Variants in CRPPA observed in about 807,000 individuals in gnomAD.
CRPPA encodes D-ribitol-5-phosphate cytidylyltransferase.
CRPPA carries 43 observed loss-of-function variants against 52.0 expected under a neutral mutation model. The ratio of observed to expected loss-of-function variants is 0.83; its 90% CI spans 0.65 to 1.07. The LOEUF is 1.07. Ranked by LOEUF, CRPPA falls within the 50% of genes least tolerant of loss-of-function variation. CRPPA has a pLI of 0.00. For synonymous variants in CRPPA, 250 were observed against 203.5 expected, an observed-to-expected ratio of 1.23 and a Z score of -1.94; for missense variants, 629 against 551.7, an observed-to-expected ratio of 1.14 and a Z score of -1.40.
At chr7:16,270,869 G>A (rs1180983502) in intron 6 of CRPPA, among the ~76,000 whole-genome samples, 1 of 152,046 alleles carries the variant, frequency 6.6e-6, no homozygotes, top group Non-Finnish European at 1.5e-5. Flanking sequence ...CTCTGTTTAT[G>A]TTCTCTCCGC....
chr7:16,199,462 T>C (rs1781802899), intron 9 of CRPPA, among the ~76,000 whole-genome samples: 1 of 152,182 alleles, frequency 6.6e-6, no homozygotes, highest in South Asian at 2.1e-4. Context: ...ATAAAATGGA[T>C]AATAAAAGAA....
At chr7:16,121,528 TC>T (rs1306782127) in intron 9 of CRPPA, among the ~76,000 whole-genome samples, 2 of 152,082 alleles carry the variant, frequency 1.3e-5, no homozygotes. Flanking sequence ...CACTAATGAT[TC>T]CCGAATTTGC....
chr7:16,392,784 A>G (rs988896611), intron 2 of CRPPA, among the ~76,000 whole-genome samples: 1 of 152,128 alleles, frequency 6.6e-6, no homozygotes, highest in African/African-American at 2.4e-5. Flanking sequence ...TAGTTTAAAT[A>G]AAAACTTGAA....
At chr7:16,128,861 A>G (rs1782630000) in intron 9 of CRPPA, among the ~76,000 whole-genome samples, 1 of 152,178 alleles carries the variant, frequency 6.6e-6, no homozygotes, top group Non-Finnish European at 1.5e-5. Flanking sequence ...AAGAAAAGAA[A>G]GAAGAATATA....
chr7:16,114,871 A>T (rs540213296), intron 9 of CRPPA, among the ~76,000 whole-genome samples: 2 of 151,346 alleles, frequency 1.3e-5, no homozygotes, highest in South Asian at 4.2e-4. Context: ...CAAATCCACA[A>T]GAAATTAATA....
intron 8 of CRPPA, among the ~76,000 whole-genome samples, chr7:16,220,057 A>C (rs1305555010): frequency 7.2e-6 from 1 of 138,072 alleles, no homozygotes; most frequent in Non-Finnish European, 1.6e-5. Context: ...AAATACTGGC[A>C]AAACAAATCC....
intron 8 of CRPPA, among the ~76,000 whole-genome samples, chr7:16,249,072 C>A (rs921159794): frequency 6.6e-6 from 1 of 152,042 alleles, no homozygotes; most frequent in African/African-American, 2.4e-5. Flanking sequence ...CTTAAGTAGG[C>A]GGTTTTATGC....
intron 3 of CRPPA, among the ~76,000 whole-genome samples, chr7:16,312,368 T>A (rs1437776767): frequency 6.6e-6 from 1 of 151,942 alleles, no homozygotes; most frequent in Non-Finnish European, 1.5e-5. Flanking sequence ...ATTTTGGGGG[T>A]TGCTAACGTA....
chr7:16,144,739 G>T (rs759638950), intron 9 of CRPPA, among the ~76,000 whole-genome samples: 1 of 152,088 alleles, frequency 6.6e-6, no homozygotes, highest in African/African-American at 2.4e-5. Context: ...AAATAAATGC[G>T]AGCGGGGCTG....
intron 9 of CRPPA, among the ~76,000 whole-genome samples, chr7:16,136,536 A>C (rs1782765495): frequency 6.6e-6 from 1 of 152,242 alleles, no homozygotes; most frequent in Non-Finnish European, 1.5e-5. Flanking sequence ...CCAATTACAA[A>C]CTAGACTGAC....
intron 1 of CRPPA, among the ~76,000 whole-genome samples, chr7:16,409,098 C>T (rs1014368941): frequency 5.3e-5 from 8 of 152,144 alleles, no homozygotes; most frequent in Admixed American, 1.3e-4. Flanking sequence ...GATGAGGTTT[C>T]GCCATACTGG....
At chr7:16,415,129 T>C (rs1788164601) in intron 1 of CRPPA, among the ~76,000 whole-genome samples, 1 of 152,218 alleles carries the variant, frequency 6.6e-6, no homozygotes, top group East Asian at 1.9e-4. Flanking sequence ...ATCTGATAAG[T>C]AGTTTTCTAA....
At chr7:16,166,161 T>G (rs1264106137) in intron 9 of CRPPA, among the ~76,000 whole-genome samples, 3 of 152,242 alleles carry the variant, frequency 2.0e-5, no homozygotes, top group African/African-American at 7.2e-5. Flanking sequence ...TAACCTGTTT[T>G]CATTTGTACA....
At chr7:16,331,221 G>A (rs181468862) in intron 3 of CRPPA, among the ~76,000 whole-genome samples, 7 of 151,974 alleles carry the variant, frequency 4.6e-5, no homozygotes, top group Admixed American at 4.6e-4. Flanking sequence ...GGATGGTCTC[G>A]ATCTCCTGAC....
chr7:16,309,840 C>T (rs74887914), intron 3 of CRPPA, among the ~76,000 whole-genome samples: 4,490 of 152,198 alleles, frequency 0.03, 227 homozygotes, highest in African/African-American at 0.099. Flanking sequence ...AGTTCATAAA[C>T]ATGTGCAGTC....
intron 6 of CRPPA, 60 bp from the exon 7 acceptor site, chr7:16,259,072 GT>G (rs1205795508): frequency 8.4e-7 from 1 of 1,195,862 alleles, no homozygotes; most frequent in African/African-American, 1.5e-5. Flanking sequence ...AAACATCTTT[GT>G]TACAAAGGAA....
chr7:16,393,560 C>T (rs183130348), intron 2 of CRPPA, among the ~76,000 whole-genome samples: 3 of 152,096 alleles, frequency 2.0e-5, no homozygotes, highest in Non-Finnish European at 2.9e-5. Flanking sequence ...AAATCAACCC[C>T]TACTCAATCT....
At chr7:16,132,534 G>C (rs1480479358) in intron 9 of CRPPA, among the ~76,000 whole-genome samples, 2 of 123,658 alleles carry the variant, frequency 1.6e-5, no homozygotes, top group African/African-American at 5.2e-5. Flanking sequence ...TTTTAATGAG[G>C]TTAGAAAGAG....
chr7:16,254,824 A>AGAAAGAAC (rs1783583351), intron 8 of CRPPA, among the ~76,000 whole-genome samples: 2 of 149,114 alleles, frequency 1.3e-5, no homozygotes, highest in African/African-American at 4.9e-5. Context: ...AAAGAAAGAA[A>AGAAAGAAC]GAAAGAAAGA....
Sources: gnomAD v4.1 joint callset for allele counts (sites outside exome capture counted in the v4.1 genomes callset) on GRCh38, gnomAD v4.1.1 for gene constraint, MANE v1.5 for transcripts, NCBI Gene and HGNC (gene_info 2026-07-23, HGNC 2026-07-21) for gene names.